Variants in SYK observed in about 807,000 individuals in gnomAD.
SYK encodes tyrosine-protein kinase SYK.
In SYK, 16 loss-of-function variants were observed where a neutral mutation model predicts 77.8. That is an observed-to-expected ratio of 0.21 (90% CI 0.14 to 0.31). SYK has a LOEUF of 0.31. SYK is among the 10% of genes least tolerant of loss of function. SYK has a pLI of 1.00. For synonymous variants in SYK, 312 were observed against 308.7 expected (o/e 1.01, Z -0.11); for missense variants, 529 against 814.4 (o/e 0.65, Z 4.26).
chr9:90,840,554 TAAAAAAAAAA>T lies in SYK; in HGVS notation c.-41-3291_-41-3282del, dbSNP rs71360457. Among the ~76,000 whole-genome samples, 8 of 107,012 alleles carry T rather than the reference TAAAAAAAAAA, an allele frequency of 7.5e-5. No individual in the cohort carries two copies. In the South Asian group the frequency reaches 2.7e-3, roughly 36 times the overall value. The allele number at this position is 107,012 out of a possible 152,430, so 70.2% of individuals were successfully genotyped here. A position where few individuals can be genotyped will look rare whatever the true frequency, so the allele number is the denominator to read the frequency against. On this transcript the variant is annotated intron_variant, in intron 1 of 13. Coordinates refer to ENST00000375754, the MANE Select transcript of SYK (RefSeq NM_003177.7). Reference sequence around the variant, plus strand: ...TAATGCGGTGAAACCCCGTCTCTTCTAAAAAAAAAAAAAAAAAAAAAACTGTAGAAAGGGG... The same window carrying T: ...TAATGCGGTGAAACCCCGTCTCTTCTAAAAAAAAAAAACTGTAGAAAGGGG...
At chr9:90,851,144 G>A (rs1826804785) in intron 3 of SYK, among the ~76,000 whole-genome samples, 1 of 152,208 alleles carries the variant, frequency 6.6e-6, no homozygotes, top group Admixed American at 6.5e-5. Context: ...CCCTGATGTT[G>A]TCTGGGGCTA....
At chr9:90,824,898 T>C (rs1022680100) in intron 1 of SYK, among the ~76,000 whole-genome samples, 6 of 152,012 alleles carry the variant, frequency 3.9e-5, no homozygotes, top group African/African-American at 1.4e-4. Context: ...ACAAAACTTA[T>C]ACAGATCAGA....
At chr9:90,891,031 G>T (rs191857191) in intron 13 of SYK, among the ~76,000 whole-genome samples, 1 of 152,250 alleles carries the variant, frequency 6.6e-6, no homozygotes, top group East Asian at 1.9e-4. Flanking sequence ...AGGGCCCAAA[G>T]ATCGGTTGGA....
intron 3 of SYK, 127 bp downstream of exon 3, chr9:90,845,721 C>T: frequency 9.2e-7 from 1 of 1,084,268 alleles, no homozygotes. Flanking sequence ...CATTTGACAA[C>T]ATGCATGCTG....
At chr9:90,877,880 C>A in intron 10 of SYK, 100 bp downstream of exon 10, 2 of 1,251,334 alleles carry the variant, frequency 1.6e-6, no homozygotes, top group Non-Finnish European at 2.3e-6. Flanking sequence ...GAAGCCTTCC[C>A]ACCCTCCTGT....
chr9:90,836,011 G>A (rs1243123351), intron 1 of SYK, among the ~76,000 whole-genome samples: 5 of 152,122 alleles, frequency 3.3e-5, no homozygotes, highest in Non-Finnish European at 5.9e-5. Context: ...AATGTTGGCC[G>A]GGCGCTGTGG....
chr9:90,890,324 C>T (rs187016393), intron 13 of SYK, among the ~76,000 whole-genome samples: 37 of 152,282 alleles, frequency 2.4e-4, no homozygotes, highest in Admixed American at 1.7e-3. Context: ...CCTCCATGGA[C>T]GCACGTAACA....
At chr9:90,847,391 C>CTCCTGGGTTCTTAT (rs3838338) in intron 3 of SYK, among the ~76,000 whole-genome samples, 9,011 of 152,174 alleles carry the variant, frequency 0.059, 477 homozygotes, top group East Asian at 0.22. Flanking sequence ...TTGTCTTCTT[C>CTCCTGGGTTCTTAT]TCCTGGGTTC....
chr9:90,893,160 AGT>A (rs377003706), intron 13 of SYK, among the ~76,000 whole-genome samples: 39 of 152,300 alleles, frequency 2.6e-4, no homozygotes, highest in African/African-American at 8.9e-4. Context: ...GCTAAAAATA[AGT>A]GTGTCCTATG....
chr9:90,817,962 T>A (rs1233953543), intron 1 of SYK, among the ~76,000 whole-genome samples: 2 of 152,004 alleles, frequency 1.3e-5, no homozygotes, highest in African/African-American at 4.8e-5. Flanking sequence ...CCAGTGAGGC[T>A]GCCAGCCATT....
At chr9:90,804,833 G>A (rs1439191142) in intron 1 of SYK, among the ~76,000 whole-genome samples, 1 of 152,168 alleles carries the variant, frequency 6.6e-6, no homozygotes, top group African/African-American at 2.4e-5. Flanking sequence ...GTGGGAAGAT[G>A]TTTTAAGAAC....
chr9:90,867,067 G>C, intron 6 of SYK, 64 bp from the exon 7 acceptor site: 1 of 1,586,824 alleles, frequency 6.3e-7, no homozygotes, highest in Non-Finnish European at 8.6e-7. Context: ...AGCATGTCGT[G>C]GAAGGGATCC....
At chr9:90,821,920 G>A (rs936628851) in intron 1 of SYK, among the ~76,000 whole-genome samples, 14 of 151,936 alleles carry the variant, frequency 9.2e-5, no homozygotes, top group African/African-American at 3.4e-4. Flanking sequence ...GTCATAGTTA[G>A]TGCTGTCGGC....
chr9:90,854,816 C>G (rs926518673), intron 3 of SYK, among the ~76,000 whole-genome samples: 4 of 152,042 alleles, frequency 2.6e-5, no homozygotes, highest in African/African-American at 9.7e-5. Flanking sequence ...CTTCCCCTGT[C>G]CATTTTGAAA....
At position 90,867,130 on chromosome 9, in the gene SYK, G is replaced by A; in HGVS notation, c.847-1G>A. The A allele has an allele frequency of 6.2e-7, 1 of 1,614,070 alleles. No individual in the cohort carries two copies. Among genetic ancestry groups the A allele is most frequent in the Non-Finnish European group, 8.5e-7 (1 of 1,180,006 alleles). ...TTCCTCTTTGCCGTTGTGGTTTCTAGACTTGGTCAGCGGGTGGAATAATCT... is the reference window on the plus strand; with the variant it reads ...TTCCTCTTTGCCGTTGTGGTTTCTAAACTTGGTCAGCGGGTGGAATAATCT... On this transcript the variant is annotated splice_acceptor_variant, in intron 6 of 13. Transcript: ENST00000375754. LOFTEE classifies it high-confidence loss of function.
chr9:90,826,665 C>T (rs182572814), intron 1 of SYK, among the ~76,000 whole-genome samples: 2 of 152,354 alleles, frequency 1.3e-5, no homozygotes, highest in East Asian at 1.9e-4. Context: ...GGATGTTTCA[C>T]GGCCTTTTGT....
At chr9:90,850,451 G>A (rs764990472) in intron 3 of SYK, among the ~76,000 whole-genome samples, 2 of 152,100 alleles carry the variant, frequency 1.3e-5, no homozygotes, top group Admixed American at 6.6e-5. Context: ...AGGAGGCGGA[G>A]GTTGCAGTGA....
chr9:90,819,535 A>C (rs528611761), intron 1 of SYK, among the ~76,000 whole-genome samples: 1 of 152,344 alleles, frequency 6.6e-6, no homozygotes, highest in East Asian at 1.9e-4. Flanking sequence ...ATGAGGAAGA[A>C]GCAGAAGAGG....
chr9:90,897,051 A>C lies in SYK; in HGVS notation c.*1451A>C. ...AAACAAACAAACAAAAAAACAACTT[A>C]AAGAGGTAATTTAGCCATCATTCTT... On this transcript the variant is annotated 3_prime_UTR_variant, in exon 14 of 14. Coordinates refer to ENST00000375754, the MANE Select transcript of SYK (RefSeq NM_003177.7). The C allele has an allele frequency of 4.6e-6, 1 of 217,732 alleles. No individual in the cohort carries two copies. Among genetic ancestry groups the C allele is most frequent in the Non-Finnish European group, 9.2e-6 (1 of 108,294 alleles). The allele number at this position is 217,732 out of a possible 1,614,324, so 13.5% of individuals were successfully genotyped here. A position where few individuals can be genotyped will look rare whatever the true frequency, so the allele number is the denominator to read the frequency against.
Sources: gnomAD v4.1 joint callset for allele counts (sites outside exome capture counted in the v4.1 genomes callset) on GRCh38, gnomAD v4.1.1 for gene constraint, MANE v1.5 for transcripts, NCBI Gene and HGNC (gene_info 2026-07-23, HGNC 2026-07-21) for gene names.